PCDH19: variants seen among roughly 807,000 people sequenced by gnomAD.
PCDH19 encodes the protein protocadherin-19.
Under a neutral mutation model 46.2 loss-of-function variants are expected in PCDH19, and 6 were observed. The observed-to-expected ratio is 0.13, with a 90% CI of 0.07 to 0.26. The LOEUF is 0.26. Ranked by LOEUF, PCDH19 falls within the 10% of genes least tolerant of loss-of-function variation. The pLI is 1.00. For synonymous variants in PCDH19, 481 were observed against 415.7 expected, an observed-to-expected ratio of 1.16 and a Z score of -1.91; for missense variants, 740 against 972.3, an observed-to-expected ratio of 0.76 and a Z score of 3.18.
intron 5 of PCDH19, among the ~76,000 whole-genome samples, chrX:100,316,230 A>G (rs1925302380): frequency 8.9e-6 from 1 of 112,511 alleles, no homozygotes; most frequent in Non-Finnish European, 1.9e-5. Flanking sequence ...CCTATAAAAG[A>G]ATATTCTGTC....
At chrX:100,338,236 G>T (rs1024235341) in intron 5 of PCDH19, among the ~76,000 whole-genome samples, 1 of 107,456 alleles carries the variant, frequency 9.3e-6, no homozygotes, top group Admixed American at 9.9e-5. Context: ...CAGCTACTTG[G>T]GAGGCTGAGG....
chrX:100,384,917 G>A (rs1194843889), intron 3 of PCDH19, among the ~76,000 whole-genome samples: 7 of 111,185 alleles, frequency 6.3e-5, no homozygotes, highest in Non-Finnish European at 9.4e-5. Flanking sequence ...CCAGCTCTTC[G>A]GAAGGTGGAG....
intron 5 of PCDH19, among the ~76,000 whole-genome samples, chrX:100,306,057 A>G (rs1035766952): frequency 8.9e-6 from 1 of 112,034 alleles, no homozygotes; most frequent in South Asian, 3.7e-4. Context: ...TATAACCTAC[A>G]GCAAATGGAC....
chrX:100,375,858 C>T (rs1320785777), intron 3 of PCDH19, among the ~76,000 whole-genome samples: 1 of 112,346 alleles, frequency 8.9e-6, no homozygotes, highest in Non-Finnish European at 1.9e-5. Context: ...TGAATAGTAA[C>T]ACACCTTTGA....
At chrX:100,351,559 T>C (rs1055736450) in intron 3 of PCDH19, among the ~76,000 whole-genome samples, 13 of 111,998 alleles carry the variant, frequency 1.2e-4, no homozygotes, top group African/African-American at 4.2e-4. Flanking sequence ...CCTAGTAAAG[T>C]GGATCTCGCC....
chrX:100,328,061 C>T (rs1925751500), intron 5 of PCDH19, among the ~76,000 whole-genome samples: 1 of 112,050 alleles, frequency 8.9e-6, no homozygotes, highest in Non-Finnish European at 1.9e-5. Flanking sequence ...CGAAGAGTAC[C>T]TCTTTGCTAA....
At chrX:100,300,445 C>G (rs754615374) in intron 5 of PCDH19, among the ~76,000 whole-genome samples, 1 of 111,410 alleles carries the variant, frequency 9.0e-6, no homozygotes, top group South Asian at 3.8e-4. Flanking sequence ...GATGGGCTCA[C>G]GATTCACTAA....
chrX:100,401,650 C>CAA (rs202013991), intron 3 of PCDH19, among the ~76,000 whole-genome samples: 4 of 63,966 alleles, frequency 6.3e-5, no homozygotes, highest in Non-Finnish European at 9.2e-5. Context: ...AACTCCATCT[C>CAA]AAAAAAAAAA....
rs759351549 is a variant in PCDH19, at chrX:100,408,036, C to T, written c.562G>A (p.Ala188Thr). The T allele has an allele frequency of 8.3e-7, 1 of 1,208,605 alleles. No individual in the cohort carries two copies. Among genetic ancestry groups the T allele is most frequent in the South Asian group, 1.8e-5 (1 of 57,052 alleles). ...IKTRGDGSRF[A>T]ELVVEKSLDR... ...AGGCTCTTTTCCACCACGAGTTCGGCAAAGCGGGAGCCGTCGCCGCGCGTC... is the reference window on the plus strand; with the variant it reads ...AGGCTCTTTTCCACCACGAGTTCGGTAAAGCGGGAGCCGTCGCCGCGCGTC... Residue 188 changes from alanine (A) to threonine (T), a missense_variant, in exon 1 of 6, where the codon GCC becomes ACC. By Grantham distance (58) the Ala-to-Thr change is moderately conservative (BLOSUM62 0). Around this residue, in one of 5 missense-constraint regions of PCDH19, gnomAD observed 48 missense variants for 43.2 expected, o/e 1.11. Transcript: ENST00000373034.
chrX:100,323,574 C>T (rs1925588106), intron 5 of PCDH19, among the ~76,000 whole-genome samples: 1 of 111,685 alleles, frequency 9.0e-6, no homozygotes, highest in Non-Finnish European at 1.9e-5. Flanking sequence ...TGGTGGATGG[C>T]ATCTGTTGTT....
At chrX:100,348,726 C>T (rs1377591797) in intron 4 of PCDH19, among the ~76,000 whole-genome samples, 2 of 110,854 alleles carry the variant, frequency 1.8e-5, no homozygotes, top group Middle Eastern at 4.3e-3. Flanking sequence ...CAGAGGTTCC[C>T]AGTAAGTCTC....
At chrX:100,389,197 G>A (rs772484176) in intron 3 of PCDH19, among the ~76,000 whole-genome samples, 6 of 110,749 alleles carry the variant, frequency 5.4e-5, no homozygotes, top group Non-Finnish European at 9.5e-5. Context: ...ATTTTTCTTC[G>A]TATCACCATC....
chrX:100,321,973 T>C lies in PCDH19; in HGVS notation c.2848+19930A>G, dbSNP rs1186454824. Among the ~76,000 whole-genome samples, 5 of 108,356 alleles carry C rather than the reference T, an allele frequency of 4.6e-5. No homozygotes were observed. The East Asian group carries it at 1.2e-3, about 25-fold the overall frequency. 94.1% of individuals were successfully genotyped at this position (108,356 alleles called of 115,157 possible). A position where few individuals can be genotyped will look rare whatever the true frequency, so the allele number is the denominator to read the frequency against. ...CCCGGCTAATTTTTTGTATTTTTAG[T>C]AGAGACGGGGTTTCACCGTGTCAGC... On this transcript the variant is annotated intron_variant, in intron 5 of 5. Transcript: ENST00000373034.
At chrX:100,393,719 G>T (rs1364700238) in intron 3 of PCDH19, among the ~76,000 whole-genome samples, 1 of 111,996 alleles carries the variant, frequency 8.9e-6, no homozygotes, top group Non-Finnish European at 1.9e-5. Context: ...GGCCAGTGCT[G>T]GTGGCAGTGA....
intron 3 of PCDH19, among the ~76,000 whole-genome samples, chrX:100,399,946 T>C (rs1358014299): frequency 9.1e-6 from 1 of 110,412 alleles, no homozygotes; most frequent in African/African-American, 3.3e-5. Flanking sequence ...ATCCCAGAAA[T>C]GATACTAAGT....
Position 100,406,465 on chromosome X carries a change from C to T in PCDH19, c.2133G>A (p.Arg711=), listed in dbSNP as rs752545524. The change falls in exon 1 of 6, where the codon CGG becomes CGA. Residue 711 remains arginine, a synonymous_variant. Coordinates refer to ENST00000373034, the MANE Select transcript of PCDH19 (RefSeq NM_001184880.2). The part of the protein sequence containing the change: ...IKCKRDNKEI[R]TYNCSNCLTI... ...CTTGGCTTTACCTGCAGTTGTAGGT[C>T]CGGATCTCTTTGTTGTCTCGCTTGC... 8.3e-7 allele frequency: 1 copy of T among 1,203,869 alleles called. No homozygotes were observed. The highest frequency in any genetic ancestry group is 1.8e-5 in the South Asian group (1 of 55,761).
intron 5 of PCDH19, among the ~76,000 whole-genome samples, chrX:100,318,707 G>A (rs1179115434): frequency 2.7e-5 from 3 of 111,845 alleles, no homozygotes; most frequent in African/African-American, 9.8e-5. Flanking sequence ...GGGAAAGTAG[G>A]AAACGAGGAA....
At chrX:100,384,555 AAT>A (rs1927654014) in intron 3 of PCDH19, among the ~76,000 whole-genome samples, 2 of 110,889 alleles carry the variant, frequency 1.8e-5, no homozygotes, top group African/African-American at 6.6e-5. Context: ...TCACAGAAAT[AAT>A]AGTGTGCCCT....
intron 5 of PCDH19, among the ~76,000 whole-genome samples, chrX:100,302,208 C>T (rs999951035): frequency 8.9e-6 from 1 of 111,934 alleles, no homozygotes; most frequent in African/African-American, 3.2e-5. Flanking sequence ...CCTCACCAAA[C>T]TTGAACTTCT....
Sources: allele counts gnomAD v4.1 joint callset (sites outside exome capture counted in the v4.1 genomes callset), GRCh38; gene constraint gnomAD v4.1.1; regional missense constraint gnomAD v4.1.1; transcripts MANE v1.5; gene names NCBI Gene and HGNC (gene_info 2026-07-23, HGNC 2026-07-21).